TSC22D3: variants seen among roughly 807,000 people sequenced by gnomAD.
The protein encoded by TSC22D3 is TSC22 domain family protein 3.
Under a neutral mutation model 11.1 loss-of-function variants are expected in TSC22D3, and 4 were observed. That is an observed-to-expected ratio of 0.36 (90% CI 0.18 to 0.83). The LOEUF (loss-of-function observed/expected upper bound fraction) is 0.83, where lower values mean the gene tolerates loss of function less well. TSC22D3 is among the 40% of genes least tolerant of loss of function. The pLI, the probability that TSC22D3 is intolerant of heterozygous loss-of-function variation, is 0.48. For synonymous variants in TSC22D3, 77 were observed against 70.3 expected (o/e 1.10, Z -0.48); for missense variants, 118 against 159.4 (o/e 0.74, Z 1.40).
intron 1 of TSC22D3, among the ~76,000 whole-genome samples, chrX:107,747,334 A>T (rs769746662): frequency 8.9e-6 from 1 of 112,229 alleles, no homozygotes; most frequent in Non-Finnish European, 1.9e-5. Flanking sequence ...AACTGGGAAA[A>T]GGACTTTTGG....
intron 1 of TSC22D3, among the ~76,000 whole-genome samples, chrX:107,734,989 G>A (rs191486629): frequency 9.3e-6 from 1 of 107,667 alleles, no homozygotes; most frequent in East Asian, 2.9e-4. Context: ...GGGATTTGAG[G>A]ATCCAGTTGA....
At chrX:107,723,683 C>A (rs1318778734) in intron 1 of TSC22D3, among the ~76,000 whole-genome samples, 1 of 113,014 alleles carries the variant, frequency 8.8e-6, no homozygotes, top group African/African-American at 3.2e-5. Flanking sequence ...GGGACACTGG[C>A]AAGGCCTCTC....
chrX:107,775,118 A>T lies in TSC22D3; in HGVS notation c.302T>A (p.Ile101Asn). 8.3e-7 allele frequency: 1 copy of T among 1,211,612 alleles called. No homozygotes were observed. ...NRNIDQTMLS[I>N]LLFFHSASGA... ...CACCCACCTGTGGAAGAAGAGCAGGATGGAGAGCATGGTCTGGTCGATGTT... is the reference window on the plus strand; with the variant it reads ...CACCCACCTGTGGAAGAAGAGCAGGTTGGAGAGCATGGTCTGGTCGATGTT... The change falls in exon 1 of 3, where the codon ATC (isoleucine) becomes AAC (asparagine). Residue 101 changes from isoleucine (I) to asparagine (N), a missense_variant. Transcript: ENST00000372383.
chrX:107,773,591 A>G (rs1463397608), intron 1 of TSC22D3, among the ~76,000 whole-genome samples: 3 of 112,046 alleles, frequency 2.7e-5, no homozygotes, highest in Non-Finnish European at 5.6e-5. Context: ...ATTTTATTTT[A>G]TTATTTTTAA....
intron 1 of TSC22D3, among the ~76,000 whole-genome samples, chrX:107,770,257 A>G (rs1303146114): frequency 8.9e-6 from 1 of 112,061 alleles, no homozygotes; most frequent in Non-Finnish European, 1.9e-5. Flanking sequence ...AGAGAACTGA[A>G]TCTTAAATAG....
At chrX:107,743,501 A>G (rs1928518373) in intron 1 of TSC22D3, among the ~76,000 whole-genome samples, 1 of 111,906 alleles carries the variant, frequency 8.9e-6, no homozygotes, top group Admixed American at 9.4e-5. Flanking sequence ...GAAAGAAGAT[A>G]TACCAACCTG....
intron 1 of TSC22D3, among the ~76,000 whole-genome samples, chrX:107,721,182 C>T (rs779709246): frequency 8.0e-5 from 9 of 111,855 alleles, no homozygotes; most frequent in Non-Finnish European, 1.7e-4. Context: ...TTCTCAGGGG[C>T]GACCTTCTAG....
intron 2 of TSC22D3, 49 bp downstream of exon 2, chrX:107,715,849 TA>T: frequency 8.4e-7 from 1 of 1,194,132 alleles, no homozygotes; most frequent in Non-Finnish European, 1.1e-6. Flanking sequence ...CAGAGTTACA[TA>T]AGCAGCAGCT....
chrX:107,766,452 G>GCC (rs111524433), intron 1 of TSC22D3, among the ~76,000 whole-genome samples: 117 of 77,464 alleles, frequency 1.5e-3, no homozygotes, highest in African/African-American at 5.6e-3. Flanking sequence ...TGGAGTTTCC[G>GCC]CCCCCCCCCC....
At chrX:107,763,712 T>G (rs889920862) in intron 1 of TSC22D3, among the ~76,000 whole-genome samples, 7 of 112,031 alleles carry the variant, frequency 6.2e-5, no homozygotes, top group Non-Finnish European at 1.1e-4. Flanking sequence ...TCTTTTTCCT[T>G]TACAGTAAAT....
intron 1 of TSC22D3, chrX:107,716,190 G>A: frequency 1.4e-6 from 1 of 724,912 alleles, no homozygotes; most frequent in Non-Finnish European, 1.9e-6. Flanking sequence ...CCAACCGATC[G>A]GAGCTGCTTG....
chrX:107,716,015 T>C (rs1318412179), intron 1 of TSC22D3, 65 bp from the exon 2 acceptor site: 2 of 1,131,711 alleles, frequency 1.8e-6, no homozygotes, highest in South Asian at 3.8e-5. Flanking sequence ...ACATGGCAGT[T>C]GTGGCCAAAG....
At chrX:107,752,967 G>A (rs1929002681) in intron 1 of TSC22D3, among the ~76,000 whole-genome samples, 1 of 112,092 alleles carries the variant, frequency 8.9e-6, no homozygotes, top group African/African-American at 3.2e-5. Context: ...GTTGGTCTCT[G>A]TGGGCTGCAG....
intron 1 of TSC22D3, among the ~76,000 whole-genome samples, chrX:107,762,093 G>T (rs1005748547): frequency 8.9e-6 from 1 of 112,078 alleles, no homozygotes; most frequent in Non-Finnish European, 1.9e-5. Flanking sequence ...GATCCTGCAT[G>T]GTTTGTTGTT....
chrX:107,743,597 G>GT (rs1928524563), intron 1 of TSC22D3, among the ~76,000 whole-genome samples: 1 of 112,425 alleles, frequency 8.9e-6, no homozygotes, highest in African/African-American at 3.2e-5. Context: ...CAGGATGCTT[G>GT]TGTGGTGCAG....
intron 1 of TSC22D3, chrX:107,716,908 G>T (rs989460486): frequency 2.0e-4 from 233 of 1,159,004 alleles, no homozygotes; most frequent in Admixed American, 3.0e-4. Context: ...GCTGGGCTCT[G>T]CGCTGGAGTC....
At position 107,715,905 on chromosome X, in the gene TSC22D3, C is replaced by T. The variant is rs1926991602; in HGVS notation, c.366G>A (p.Gln122=). The T allele has an allele frequency of 8.3e-7, 1 of 1,211,487 alleles. No homozygotes were observed. Among genetic ancestry groups the T allele is most frequent in the Non-Finnish European group, 1.1e-6 (1 of 895,349 alleles). ...SVVAIDNKIE[Q]AMDLVKNHLM... ...ACGCAGTGATGCCACTCACCATGGC[C>T]TGTTCGATCTTGTTGTCTATGGCCA... is the stretch of plus-strand genomic sequence containing the variant. The change falls in exon 2 of 3, where the codon CAG becomes CAA. Residue 122 remains glutamine, a synonymous_variant. Coordinates refer to ENST00000372383, the MANE Select transcript of TSC22D3 (RefSeq NM_198057.3).
At chrX:107,772,185 C>CT (rs1256030393) in intron 1 of TSC22D3, among the ~76,000 whole-genome samples, 1 of 111,532 alleles carries the variant, frequency 9.0e-6, no homozygotes, top group Admixed American at 9.5e-5. Flanking sequence ...GTGCCCTGCT[C>CT]TTCTTCCTAA....
intron 1 of TSC22D3, among the ~76,000 whole-genome samples, chrX:107,729,631 C>A (rs761257673): frequency 8.9e-6 from 1 of 112,566 alleles, no homozygotes; most frequent in Admixed American, 9.3e-5. Flanking sequence ...AGCCAACTCC[C>A]TGACACCAGG....
Sources: gnomAD v4.1 joint callset for allele counts (sites outside exome capture counted in the v4.1 genomes callset) on GRCh38, gnomAD v4.1.1 for gene constraint, MANE v1.5 for transcripts, NCBI Gene and HGNC (gene_info 2026-07-23, HGNC 2026-07-21) for gene names.